MCTP1: variants seen among roughly 807,000 people sequenced by gnomAD.
The protein encoded by MCTP1 is multiple C2 and transmembrane domain-containing protein 1.
A neutral mutation model predicts 120.6 loss-of-function variants in MCTP1; 69 were observed. The ratio of observed to expected loss-of-function variants is 0.57; its 90% CI spans 0.47 to 0.70. MCTP1 has a LOEUF of 0.70. Among genes scored for constraint, MCTP1 ranks in the 30% least tolerant of loss-of-function variants. MCTP1 has a pLI of 0.00. For synonymous variants in MCTP1, 529 were observed against 493.1 expected (o/e 1.07, Z -0.96); for missense variants, 1,203 against 1,248.8 (o/e 0.96, Z 0.55).
intron 1 of MCTP1, among the ~76,000 whole-genome samples, chr5:95,098,519 C>A (rs1289539413): frequency 6.6e-6 from 1 of 151,970 alleles, no homozygotes; most frequent in Non-Finnish European, 1.5e-5. Context: ...CTCCCATTCA[C>A]AATTGCTTCA....
intron 1 of MCTP1, among the ~76,000 whole-genome samples, chr5:95,059,398 A>G (rs1748308409): frequency 6.6e-6 from 1 of 152,152 alleles, no homozygotes; most frequent in Non-Finnish European, 1.5e-5. Context: ...CAGCAATAGA[A>G]ACGGGACTAC....
chr5:95,046,454 T>G (rs1843161494), intron 1 of MCTP1, among the ~76,000 whole-genome samples: 1 of 152,216 alleles, frequency 6.6e-6, no homozygotes, highest in Non-Finnish European at 1.5e-5. Context: ...TACTTCATTA[T>G]GCTAATAGTC....
At chr5:94,792,184 G>A in intron 18 of MCTP1, 1 of 153,198 alleles carries the variant, frequency 6.5e-6, no homozygotes. Flanking sequence ...TGTCCTCAGT[G>A]CTCACGTGAC....
chr5:94,905,092 A>C (rs1326125510), intron 10 of MCTP1, among the ~76,000 whole-genome samples: 1 of 152,228 alleles, frequency 6.6e-6, no homozygotes, highest in Non-Finnish European at 1.5e-5. Context: ...ATTGGTGCAC[A>C]GATCTAAAGA....
At chr5:95,144,853 T>C (rs1760243938) in intron 1 of MCTP1, among the ~76,000 whole-genome samples, 1 of 152,150 alleles carries the variant, frequency 6.6e-6, no homozygotes, top group African/African-American at 2.4e-5. Flanking sequence ...GCCTTTGACA[T>C]TGTTCTTCTT....
chr5:94,836,853 T>C (rs1789905998), intron 17 of MCTP1, among the ~76,000 whole-genome samples: 1 of 152,250 alleles, frequency 6.6e-6, no homozygotes, highest in Non-Finnish European at 1.5e-5. Flanking sequence ...TGGGGCCATA[T>C]GTGTCCCAGG....
chr5:95,090,788 C>T (rs1326558871), intron 1 of MCTP1, among the ~76,000 whole-genome samples: 1 of 152,166 alleles, frequency 6.6e-6, no homozygotes, highest in Non-Finnish European at 1.5e-5. Context: ...AGGTCCATGA[C>T]ACTCATCACT....
At chr5:95,227,021 C>T (rs1754355637) in intron 1 of MCTP1, among the ~76,000 whole-genome samples, 1 of 152,082 alleles carries the variant, frequency 6.6e-6, no homozygotes, top group Admixed American at 6.6e-5. Flanking sequence ...CATCCAGACC[C>T]CTCTCCCAGC....
intron 7 of MCTP1, among the ~76,000 whole-genome samples, chr5:94,921,891 C>T (rs770683590): frequency 1.5e-4 from 23 of 152,146 alleles, no homozygotes; most frequent in Non-Finnish European, 3.4e-4. Flanking sequence ...TTTATTTATA[C>T]AAGGTATTTT....
intron 1 of MCTP1, among the ~76,000 whole-genome samples, chr5:95,120,848 G>C (rs1758166973): frequency 6.6e-6 from 1 of 152,062 alleles, no homozygotes; most frequent in Non-Finnish European, 1.5e-5. Flanking sequence ...AGTCAGACCA[G>C]AGAAAGAAAC....
intron 1 of MCTP1, among the ~76,000 whole-genome samples, chr5:95,209,877 G>C (rs2152565449): frequency 6.6e-6 from 1 of 152,254 alleles, no homozygotes; most frequent in Admixed American, 6.5e-5. Context: ...TTGTGTCTTT[G>C]TTCTTGTTGG....
intron 1 of MCTP1, among the ~76,000 whole-genome samples, chr5:95,075,373 G>T (rs1005465114): frequency 1.3e-5 from 2 of 151,892 alleles, no homozygotes; most frequent in Non-Finnish European, 2.9e-5. Context: ...AATGATGTTT[G>T]GTTTTTAGTT....
At chr5:94,919,699 CT>C (rs1811053761) in intron 7 of MCTP1, among the ~76,000 whole-genome samples, 1 of 152,190 alleles carries the variant, frequency 6.6e-6, no homozygotes, top group Admixed American at 6.5e-5. Flanking sequence ...CTGTTTTGTG[CT>C]GCAAAGACGA....
chr5:95,035,929 G>A (rs1467967827), intron 1 of MCTP1, among the ~76,000 whole-genome samples: 1 of 152,012 alleles, frequency 6.6e-6, no homozygotes, highest in African/African-American at 2.4e-5. Context: ...TAGGCTTTTA[G>A]TACTCTTGTA....
chr5:95,201,603 C>A (rs1751062457), intron 1 of MCTP1, among the ~76,000 whole-genome samples: 1 of 145,252 alleles, frequency 6.9e-6, no homozygotes, highest in Admixed American at 7.2e-5. Flanking sequence ...CTCCCAGGTT[C>A]AGGCAATTCT....
intron 1 of MCTP1, among the ~76,000 whole-genome samples, chr5:95,120,088 A>G (rs915846729): frequency 6.8e-6 from 1 of 147,680 alleles, no homozygotes; most frequent in Admixed American, 6.9e-5. Context: ...GAGGCAGGAG[A>G]ATGGCGTGAA....
intron 2 of MCTP1, chr5:94,980,857 C>T (rs1282807873): frequency 2.0e-5 from 3 of 152,042 alleles, no homozygotes; most frequent in Non-Finnish European, 4.4e-5. Flanking sequence ...GCCACCATCT[C>T]CTTGATTATT....
intron 3 of MCTP1, among the ~76,000 whole-genome samples, chr5:94,945,790 G>A (rs1189182585): frequency 6.6e-6 from 1 of 152,198 alleles, no homozygotes; most frequent in East Asian, 1.9e-4. Context: ...CCCATGATGG[G>A]AAAAGTGTGT....
At position 95,284,671 on chromosome 5, in the gene MCTP1, G is replaced by T. The variant is rs1760614490; in HGVS notation, c.-96C>A. On this transcript the variant is annotated 5_prime_UTR_variant, in exon 1 of 23. Coordinates refer to ENST00000515393, the MANE Select transcript of MCTP1 (RefSeq NM_024717.7). This position sits in a 1 kb window ranked among gnomAD's most constrained non-coding sequence, Gnocchi z 5.2. ...GCACCTCCTCCCGGGTCCCCGCGGC[G>T]CTGGCGGTGGCGGCGGCGGCGGCGG... is the stretch of plus-strand genomic sequence containing the variant. 2 of 1,099,406 alleles carry T rather than the reference G, an allele frequency of 1.8e-6. No homozygotes were observed. The highest frequency in any genetic ancestry group is 6.1e-4 in the Middle Eastern group (2 of 3,266). The allele number at this position is 1,099,406 out of a possible 1,614,324, so 68.1% of individuals were successfully genotyped here. A position where few individuals can be genotyped will look rare whatever the true frequency, so the allele number is the denominator to read the frequency against.
Sources: allele counts gnomAD v4.1 joint callset (sites outside exome capture counted in the v4.1 genomes callset), GRCh38; gene constraint gnomAD v4.1.1; non-coding constraint Gnocchi (gnomAD v3.1); transcripts MANE v1.5; gene names NCBI Gene and HGNC (gene_info 2026-07-23, HGNC 2026-07-21).